Variants in ALG13 observed in about 807,000 individuals in gnomAD.
The protein encoded by ALG13 is UDP-N-acetylglucosamine transferase subunit ALG13.
ALG13 carries 11 observed loss-of-function variants against 87.8 expected under a neutral mutation model. That is an observed-to-expected ratio of 0.13 (90% CI 0.08 to 0.21). ALG13 has a LOEUF of 0.21. Ranked by LOEUF, ALG13 falls within the 10% of genes least tolerant of loss-of-function variation. The pLI, the probability that ALG13 is intolerant of heterozygous loss-of-function variation, is 1.00. For synonymous variants in ALG13, 320 were observed against 306.3 expected, an observed-to-expected ratio of 1.04 and a Z score of -0.47; for missense variants, 756 against 866.1, an observed-to-expected ratio of 0.87 and a Z score of 1.60.
chrX:111,729,052 A>G (rs1942389342), intron 19 of ALG13, among the ~76,000 whole-genome samples: 1 of 111,866 alleles, frequency 8.9e-6, no homozygotes, highest in South Asian at 3.7e-4. Context: ...GGACATTTTT[A>G]TCACCACAAT....
chrX:111,686,265 T>C (rs1406465921), intron 3 of ALG13: 12 of 393,120 alleles, frequency 3.1e-5, no homozygotes, highest in Non-Finnish European at 3.4e-5. Context: ...TATATGTGTA[T>C]ATATATATTT....
At chrX:111,689,026 T>G (rs1935649024) in intron 3 of ALG13, 1 of 722,819 alleles carries the variant, frequency 1.4e-6, no homozygotes, top group African/African-American at 2.4e-5. Context: ...CCAAACATTT[T>G]ATTTGGAATG....
intron 21 of ALG13, among the ~76,000 whole-genome samples, chrX:111,731,256 C>T (rs748795054): frequency 8.9e-6 from 1 of 111,943 alleles, no homozygotes; most frequent in Admixed American, 9.5e-5. Context: ...ATATTGGGTC[C>T]AGATGTAGCT....
intron 3 of ALG13, 81 bp from the exon 4 acceptor site, chrX:111,707,946 T>G: frequency 9.7e-7 from 1 of 1,031,298 alleles, no homozygotes; most frequent in Non-Finnish European, 1.3e-6. Flanking sequence ...CTCTAAGTAC[T>G]TTCTCCCTCC....
rs775568537 is a variant in ALG13 at position 111,687,400 on chromosome X, G to A, written c.383+2297G>A. On this transcript the variant is annotated intron_variant, in intron 3 of 26. Transcript: ENST00000394780. ...AACCTTATTTCCAGCATACATGGTGGTGTGGTATATTGTTTAATTGTATAT... is the reference window on the plus strand; with the variant it reads ...AACCTTATTTCCAGCATACATGGTGATGTGGTATATTGTTTAATTGTATAT... 7.1e-5 allele frequency among the ~76,000 whole-genome samples: 8 copies of A among 112,640 alleles called. No individual in the cohort carries two copies. In the East Asian group the frequency reaches 2.2e-3, roughly 31 times the overall value.
At chrX:111,693,620 A>G (rs1226930730) in intron 3 of ALG13, among the ~76,000 whole-genome samples, 1 of 111,846 alleles carries the variant, frequency 8.9e-6, no homozygotes, top group African/African-American at 3.2e-5. Flanking sequence ...ATTATATACC[A>G]TCTATGTTGG....
chrX:111,727,807 C>T (rs1169108779), intron 18 of ALG13, 37 bp downstream of exon 18: 6 of 1,129,516 alleles, frequency 5.3e-6, no homozygotes, highest in Non-Finnish European at 7.0e-6. Flanking sequence ...AAGCTGTTTA[C>T]TTTTTTCATT....
intron 3 of ALG13, among the ~76,000 whole-genome samples, chrX:111,692,470 A>G (rs763461681): frequency 7.2e-5 from 8 of 111,358 alleles, no homozygotes; most frequent in Non-Finnish European, 1.5e-4. Flanking sequence ...AGGATTAGGT[A>G]TTGTTCTAGG....
At position 111,708,387 on chromosome X, in the gene ALG13, G is replaced by A. The variant is rs755327837; in HGVS notation, c.744G>A (p.Ser248=). 3.3e-6 allele frequency: 4 copies of A among 1,206,358 alleles called. No homozygotes were observed. The highest frequency in any genetic ancestry group is 1.8e-5 in the African/African-American group (1 of 56,968). ...KDASCLFRAI[S]EQLFCSQVHH... Reference sequence around the variant, plus strand: ...CCTCTTGCCTCTTTCGGGCCATTTCGGAGCAGGTAAAAGGAAAACATATCT... The same window carrying A: ...CCTCTTGCCTCTTTCGGGCCATTTCAGAGCAGGTAAAAGGAAAACATATCT... The change falls in exon 4 of 27, where the codon TCG becomes TCA. Residue 248 remains serine, a synonymous_variant. Coordinates refer to ENST00000394780, the MANE Select transcript of ALG13 (RefSeq NM_001099922.3).
intron 25 of ALG13, 89 bp from the exon 26 acceptor site, chrX:111,757,499 T>A: frequency 1.4e-6 from 1 of 693,926 alleles, no homozygotes; most frequent in Non-Finnish European, 1.9e-6. Context: ...TCTTATTTTT[T>A]TTTTTTTTTT....
chrX:111,738,026 AAT>A (rs1943398827), intron 23 of ALG13, among the ~76,000 whole-genome samples: 1 of 112,801 alleles, frequency 8.9e-6, no homozygotes, highest in Admixed American at 9.4e-5. Context: ...TAAAAAGCAG[AAT>A]ATCCCTACAG....
At chrX:111,726,359 G>C (rs1270606181) in intron 15 of ALG13, among the ~76,000 whole-genome samples, 2 of 105,791 alleles carry the variant, frequency 1.9e-5, no homozygotes, top group Non-Finnish European at 3.8e-5. Context: ...TCAGCCTTCT[G>C]AGTAGCTGGG....
intron 5 of ALG13, among the ~76,000 whole-genome samples, chrX:111,710,212 T>C (rs1939507272): frequency 9.1e-6 from 1 of 109,942 alleles, no homozygotes; most frequent in Non-Finnish European, 1.9e-5. Context: ...TTTGTGTTTT[T>C]AGTAGAGATG....
intron 3 of ALG13, chrX:111,687,927 C>T: frequency 8.5e-7 from 1 of 1,179,252 alleles, no homozygotes; most frequent in Non-Finnish European, 1.1e-6. Flanking sequence ...CTTATCAACA[C>T]TGAAATGTTA....
Position 111,698,269 on chromosome X carries a change from C to T in ALG13, c.384-9758C>T, listed in dbSNP as rs906162691. Among the ~76,000 whole-genome samples the T allele has an allele frequency of 4.2e-4, 47 of 111,808 alleles. 1 individual carries two copies. Among genetic ancestry groups the T allele is most frequent in the Non-Finnish European group, 1.3e-4 (7 of 53,111 alleles). Reference sequence around the variant, plus strand: ...AATTTACACGTCACAATTGTATATGCATTTATAGGGTACAATGTAATGTTT... The same window carrying T: ...AATTTACACGTCACAATTGTATATGTATTTATAGGGTACAATGTAATGTTT... On this transcript the variant is annotated intron_variant, in intron 3 of 26. Transcript: ENST00000394780.
At chrX:111,707,863 T>G (rs1028003396) in intron 3 of ALG13, among the ~76,000 whole-genome samples, 164 bp from the exon 4 acceptor site, 3 of 111,983 alleles carry the variant, frequency 2.7e-5, no homozygotes, top group African/African-American at 9.7e-5. Flanking sequence ...GCTCAGCTGC[T>G]TATGCATACT....
intron 16 of ALG13, 42 bp from the exon 17 acceptor site, chrX:111,727,290 T>G (rs1159694686): frequency 9.7e-7 from 1 of 1,025,899 alleles, no homozygotes; most frequent in Non-Finnish European, 1.4e-6. Context: ...ACTTAGGTAT[T>G]AGTGAATAGA....
chrX:111,724,670 C>T (rs752346070), intron 14 of ALG13, among the ~76,000 whole-genome samples: 2 of 112,088 alleles, frequency 1.8e-5, no homozygotes, highest in South Asian at 7.5e-4. Context: ...GAAATTTAAT[C>T]CTCCAAGGAG....
At position 111,744,713 on chromosome X, in the gene ALG13, C is replaced by T. The variant is rs1944056311; in HGVS notation, c.2741C>T (p.Ala914Val). The stretch of plus-strand genomic sequence containing the variant: ...CCATGCCATTCTGCTATTCCTCATG[C>T]TGGTGCCTCTCTACCACCACCACCA... ...SYPCHSAIPHAGASLPPPPPP... is the reference protein window; with the variant it reads ...SYPCHSAIPHVGASLPPPPPP... The change falls in exon 24 of 27, where the codon GCT becomes GTT. Residue 914 changes from alanine to valine, a missense_variant. Transcript: ENST00000394780. The T allele has an allele frequency of 8.6e-7, 1 of 1,168,520 alleles. No homozygotes were observed. Among genetic ancestry groups the T allele is most frequent in the South Asian group, 1.9e-5 (1 of 51,612 alleles).
Sources: gnomAD v4.1 joint callset for allele counts (sites outside exome capture counted in the v4.1 genomes callset) on GRCh38, gnomAD v4.1.1 for gene constraint, MANE v1.5 for transcripts, NCBI Gene and HGNC (gene_info 2026-07-23, HGNC 2026-07-21) for gene names.